The following GLI3 variants were observed in gnomAD, a reference collection of about 807,000 sequenced individuals.
The protein encoded by GLI3 is transcription activator GLI3.
In GLI3, 20 loss-of-function variants were observed where a neutral mutation model predicts 100.8. The ratio of observed to expected loss-of-function variants is 0.20; its 90% CI spans 0.14 to 0.29. The LOEUF (loss-of-function observed/expected upper bound fraction) is 0.29, where lower values mean the gene tolerates loss of function less well. Ranked by LOEUF, GLI3 falls within the 10% of genes least tolerant of loss-of-function variation. GLI3 has a pLI of 1.00. For synonymous variants in GLI3, 938 were observed against 860.5 expected (o/e 1.09, Z -1.58); for missense variants, 2,040 against 2,128.5 (o/e 0.96, Z 0.82).
Position 41,964,796 on chromosome 7 carries a change from T to C in GLI3, c.4277A>G (p.Lys1426Arg). 6.2e-7 allele frequency: 1 copy of C among 1,613,908 alleles called. No individual in the cohort carries two copies. The highest frequency in any genetic ancestry group is 2.2e-5 in the East Asian group (1 of 44,878). ...AGAGCACAGCGGATGGGGCTGCCCT[T>C]TCATCTCCATCTTGATACCATTCAC... is the stretch of plus-strand genomic sequence containing the variant. Reference protein sequence around the residue: ...CRVNGIKMEMKGQPHPLCSNL... With the variant: ...CRVNGIKMEMRGQPHPLCSNL... The change falls in exon 15 of 15, where the codon AAA becomes AGA. Residue 1426 changes from lysine (K) to arginine (R), a missense_variant. Physicochemically the swap from Lys to Arg is conservative, Grantham distance 26. Transcript: ENST00000395925.
chr7:42,078,858 T>G (rs879695647), intron 3 of GLI3, among the ~76,000 whole-genome samples: 26 of 150,760 alleles, frequency 1.7e-4, no homozygotes, highest in Non-Finnish European at 3.2e-4. Flanking sequence ...GCCTCCCAAG[T>G]AGCTGGGACT....
At chr7:42,064,763 G>A (rs1310114183) in intron 4 of GLI3, among the ~76,000 whole-genome samples, 2 of 152,186 alleles carry the variant, frequency 1.3e-5, no homozygotes, top group Admixed American at 1.3e-4. Context: ...CCCACTCCAA[G>A]CAGGAAGTGC....
At chr7:42,148,196 G>C in intron 3 of GLI3, 30 bp downstream of exon 3, 1 of 1,584,494 alleles carries the variant, frequency 6.3e-7, no homozygotes, top group Non-Finnish European at 8.6e-7. Context: ...CATAGCTCCT[G>C]AACAAGTGCC....
chr7:42,103,044 C>T (rs775903638), intron 3 of GLI3, among the ~76,000 whole-genome samples: 3 of 152,088 alleles, frequency 2.0e-5, no homozygotes, highest in Non-Finnish European at 2.9e-5. Flanking sequence ...GTAGAGAATC[C>T]GGAAGCGGCT....
chr7:42,171,960 T>C (rs1050713481), intron 2 of GLI3, among the ~76,000 whole-genome samples: 7 of 152,080 alleles, frequency 4.6e-5, no homozygotes, highest in Non-Finnish European at 1.0e-4. Context: ...AATAAAACAA[T>C]GTTTACGGCT....
chr7:42,040,492 A>AG (rs2128738894), intron 6 of GLI3, among the ~76,000 whole-genome samples: 1 of 152,330 alleles, frequency 6.6e-6, no homozygotes, highest in South Asian at 2.1e-4. Context: ...GCTAAACAAA[A>AG]GGGAGAGATT....
At chr7:42,207,763 G>A (rs1009175026) in intron 2 of GLI3, among the ~76,000 whole-genome samples, 2 of 152,276 alleles carry the variant, frequency 1.3e-5, no homozygotes, top group Non-Finnish European at 2.9e-5. Flanking sequence ...ATATACCAAA[G>A]TGTTAACTTT....
chr7:42,098,692 C>A (rs1785394001), intron 3 of GLI3, among the ~76,000 whole-genome samples: 3 of 152,158 alleles, frequency 2.0e-5, no homozygotes, highest in Admixed American at 2.0e-4. Flanking sequence ...TTTGGGACTA[C>A]CACAATGCCT....
chr7:41,981,582 G>A (rs1012871757), intron 10 of GLI3, among the ~76,000 whole-genome samples: 1 of 152,188 alleles, frequency 6.6e-6, no homozygotes, highest in Admixed American at 6.5e-5. Context: ...GAAAGGGAAG[G>A]CATCTCCTGG....
chr7:42,132,162 T>G lies in GLI3; in HGVS notation c.367+16064A>C, dbSNP rs1340605743. ...GTCGCCCAGGCTGGAGTGCAGTGGT[T>G]CAATCTCGGCTCACTGCAAGCTCCG... is the stretch of plus-strand genomic sequence containing the variant. On this transcript the variant is annotated intron_variant, in intron 3 of 14. Transcript: ENST00000395925. Among the ~76,000 whole-genome samples, 16 of 151,898 alleles carry G rather than the reference T, an allele frequency of 1.1e-4. 1 individual carries two copies. Among genetic ancestry groups the G allele is most frequent in the African/African-American group, 3.4e-4 (14 of 41,326 alleles).
intron 7 of GLI3, among the ~76,000 whole-genome samples, chr7:42,032,248 A>T (rs1348201144): frequency 6.6e-6 from 1 of 152,234 alleles, no homozygotes; most frequent in East Asian, 1.9e-4. Flanking sequence ...AAGAAAAAAA[A>T]AATTATTTGT....
At position 42,030,818 on chromosome 7, in the gene GLI3, A is replaced by G. The variant is rs1317935198; in HGVS notation, c.1029-4406T>C. ...ACTGAAACCTCCGCCTCCCAGGTTC[A>G]AGCGATTCTCCTGCCTCAGCCTCCC... On this transcript the variant is annotated intron_variant, in intron 7 of 14. Transcript: ENST00000395925. Among the ~76,000 whole-genome samples, 4 of 151,370 alleles carry G rather than the reference A, an allele frequency of 2.6e-5. No homozygotes were observed. The East Asian group carries it at 7.8e-4, about 29-fold the overall frequency.
rs371617666 is a variant in GLI3, at chr7:41,972,531, G to A, written c.1909C>T (p.His637Tyr). ...HVKTVHGPEA[H>Y]VTKKQRGDIH... ...TCCCCTCGCTGCTTCTTGGTGACAT[G>A]AGCCTCTGGGCCATGCACTGTCTTC... is the stretch of plus-strand genomic sequence containing the variant. The change falls in exon 13 of 15, where the codon CAT becomes TAT. Residue 637 changes from histidine (H) to tyrosine (Y), a missense_variant. By Grantham distance (83) the His-to-Tyr change is moderately conservative. Coordinates refer to ENST00000395925, the MANE Select transcript of GLI3 (RefSeq NM_000168.6). The surrounding 1 kb of genome is among the most constrained non-coding windows in gnomAD (Gnocchi z 4.4). The A allele has an allele frequency of 4.8e-5, 78 of 1,612,868 alleles. No individual in the cohort carries two copies. Among genetic ancestry groups the A allele is most frequent in the Non-Finnish European group, 6.2e-5 (73 of 1,180,004 alleles).
At chr7:42,097,157 A>G (rs1785357962) in intron 3 of GLI3, among the ~76,000 whole-genome samples, 1 of 152,256 alleles carries the variant, frequency 6.6e-6, no homozygotes, top group African/African-American at 2.4e-5. Context: ...AAAGCGTTTC[A>G]GAAACAGAGA....
intron 2 of GLI3, among the ~76,000 whole-genome samples, chr7:42,207,479 T>C (rs142360590): frequency 6.6e-6 from 1 of 152,344 alleles, no homozygotes; most frequent in East Asian, 1.9e-4. Context: ...TTGATACGTG[T>C]TTCTGAAAAT....
chr7:42,183,243 A>C (rs1787653220), intron 2 of GLI3, among the ~76,000 whole-genome samples: 1 of 151,960 alleles, frequency 6.6e-6, no homozygotes. Context: ...AAAAAAAATC[A>C]CTGTTAATAT....
intron 3 of GLI3, among the ~76,000 whole-genome samples, chr7:42,132,352 G>A (rs1021770350): frequency 2.6e-5 from 4 of 152,058 alleles, no homozygotes; most frequent in African/African-American, 4.8e-5. Flanking sequence ...CGCCCGCCTT[G>A]ACCTCCCAAA....
At chr7:42,205,954 G>C (rs1031307984) in intron 2 of GLI3, among the ~76,000 whole-genome samples, 1 of 152,110 alleles carries the variant, frequency 6.6e-6, no homozygotes, top group Non-Finnish European at 1.5e-5. Flanking sequence ...CAATAAGTTA[G>C]CTTAATATAA....
At chr7:42,206,726 G>A (rs1033778570) in intron 2 of GLI3, among the ~76,000 whole-genome samples, 4 of 152,176 alleles carry the variant, frequency 2.6e-5, no homozygotes, top group Admixed American at 2.0e-4. Context: ...AAAGAGTATG[G>A]TACAACAAAA....
Sources: gnomAD v4.1 joint callset for allele counts (sites outside exome capture counted in the v4.1 genomes callset) on GRCh38, gnomAD v4.1.1 for gene constraint, Gnocchi (gnomAD v3.1) non-coding constraint, MANE v1.5 for transcripts, NCBI Gene and HGNC (gene_info 2026-07-23, HGNC 2026-07-21) for gene names.